The following GPBP1L1 variants were observed in gnomAD, a reference collection of about 807,000 sequenced individuals.
GPBP1L1 encodes vasculin-like protein 1.
In GPBP1L1, 23 loss-of-function variants were observed where a neutral mutation model predicts 52.5. The ratio of observed to expected loss-of-function variants is 0.44; its 90% CI spans 0.32 to 0.62. The LOEUF (loss-of-function observed/expected upper bound fraction) is 0.62. Ranked by LOEUF, GPBP1L1 falls within the 20% of genes least tolerant of loss-of-function variation. GPBP1L1 has a pLI of 0.06. For missense variants in GPBP1L1, 596 were observed against 579.3 expected, an observed-to-expected ratio of 1.03 and a Z score of -0.30; for synonymous variants, 243 against 203.1, an observed-to-expected ratio of 1.20 and a Z score of -1.67.
At chr1:45,629,783 G>T in intron 11 of GPBP1L1, 105 bp from the exon 12 acceptor site, 1 of 726,356 alleles carries the variant, frequency 1.4e-6, no homozygotes, top group Non-Finnish European at 2.4e-6. Context: ...GGCAATGGAT[G>T]TTAAAGAAGG....
chr1:45,656,748 C>T (rs1644889487), intron 4 of GPBP1L1, among the ~76,000 whole-genome samples: 1 of 151,892 alleles, frequency 6.6e-6, no homozygotes, highest in Non-Finnish European at 1.5e-5. Context: ...TCACTGTAGC[C>T]TCAAACTCCT....
chr1:45,642,556 T>C lies in GPBP1L1; in HGVS notation c.478-57A>G. On this transcript the variant is annotated intron_variant, in intron 6 of 12. Coordinates refer to ENST00000355105, the MANE Select transcript of GPBP1L1 (RefSeq NM_021639.5). ...AGAAAGCTGATCATTTTGGCACTTT[T>C]CACAAAGTAGCCATCACCATGGAAC... 19 of 1,327,600 alleles carry C rather than the reference T, an allele frequency of 1.4e-5. No homozygotes were observed. The South Asian group carries it at 2.1e-4, about 15-fold the overall frequency. The allele number at this position is 1,327,600 out of a possible 1,614,324, so 82.2% of individuals were successfully genotyped here.
intron 3 of GPBP1L1, among the ~76,000 whole-genome samples, chr1:45,659,779 AAAT>A (rs745735498): frequency 8.5e-5 from 13 of 152,072 alleles, no homozygotes; most frequent in Admixed American, 5.2e-4. Flanking sequence ...ATCTGTACAA[AAAT>A]AATAATAAAG....
chr1:45,629,142 A>G (rs1644495737), intron 12 of GPBP1L1, among the ~76,000 whole-genome samples: 1 of 152,228 alleles, frequency 6.6e-6, no homozygotes, highest in African/African-American at 2.4e-5. Context: ...ATTCAGAGAA[A>G]GAATCCAAGC....
Position 45,634,134 on chromosome 1 carries a change from C to A in GPBP1L1, c.847G>T (p.Val283Leu). ...CTCAGAGCTGCACCACTAGCCAGTACCACTGGTTTGGTAACAGAGATTGGA... is the reference window on the plus strand; with the variant it reads ...CTCAGAGCTGCACCACTAGCCAGTAACACTGGTTTGGTAACAGAGATTGGA... ...TSPISVTKPV[V>L]LASGAALSSP... Residue 283 changes from valine to leucine, a missense_variant, in exon 9 of 13, where the codon GTA (valine) becomes TTA (leucine). Transcript: ENST00000355105. 1.2e-6 allele frequency: 2 copies of A among 1,613,962 alleles called. No individual in the cohort carries two copies. Among genetic ancestry groups the A allele is most frequent in the African/African-American group, 2.7e-5 (2 of 75,044 alleles).
chr1:45,669,059 CA>C (rs1360210831), intron 2 of GPBP1L1, among the ~76,000 whole-genome samples: 15 of 152,204 alleles, frequency 9.9e-5, no homozygotes, highest in African/African-American at 3.6e-4. Flanking sequence ...TAATTTTGAG[CA>C]CATCTTCAAC....
intron 2 of GPBP1L1, among the ~76,000 whole-genome samples, chr1:45,678,275 A>T (rs1181499923): frequency 6.6e-6 from 1 of 152,236 alleles, no homozygotes; most frequent in African/African-American, 2.4e-5. Context: ...CACTTTAAAT[A>T]TGTGTATTTT....
chr1:45,685,804 G>GA (rs1022976349), intron 1 of GPBP1L1, among the ~76,000 whole-genome samples, 184 bp from the exon 2 acceptor site: 10 of 151,850 alleles, frequency 6.6e-5, no homozygotes, highest in Non-Finnish European at 1.0e-4. Flanking sequence ...TAAAACAACA[G>GA]AAAAAAAATA....
intron 8 of GPBP1L1, among the ~76,000 whole-genome samples, chr1:45,638,677 C>T (rs777025563): frequency 6.6e-6 from 1 of 152,144 alleles, no homozygotes; most frequent in Non-Finnish European, 1.5e-5. Flanking sequence ...CGGTGGCTCA[C>T]GTCTGTAATC....
intron 6 of GPBP1L1, chr1:45,650,948 T>C: frequency 9.6e-6 from 3 of 313,114 alleles, no homozygotes; most frequent in South Asian, 8.2e-5. Context: ...TTACATATTA[T>C]TCATCAAGTC....
At chr1:45,673,290 A>G (rs150902495) in intron 2 of GPBP1L1, among the ~76,000 whole-genome samples, 1 of 152,330 alleles carries the variant, frequency 6.6e-6, no homozygotes, top group Non-Finnish European at 1.5e-5. Flanking sequence ...CCTTCAGCTA[A>G]AAGTATGGGT....
chr1:45,681,382 G>A (rs1460805782), intron 2 of GPBP1L1, among the ~76,000 whole-genome samples: 1 of 152,096 alleles, frequency 6.6e-6, no homozygotes. Context: ...GAAACTGCAG[G>A]ACAAATGACC....
intron 10 of GPBP1L1, among the ~76,000 whole-genome samples, chr1:45,631,857 C>T (rs1195764588): frequency 1.3e-5 from 2 of 152,040 alleles, no homozygotes; most frequent in Non-Finnish European, 2.9e-5. Flanking sequence ...GAGGTCGAGG[C>T]TGCAGTGAAC....
intron 2 of GPBP1L1, among the ~76,000 whole-genome samples, chr1:45,674,311 C>A (rs752055675): frequency 4.6e-5 from 7 of 152,104 alleles, no homozygotes; most frequent in Non-Finnish European, 7.4e-5. Context: ...TTTAATATCA[C>A]AATTTCATTA....
chr1:45,642,578 G>T, intron 6 of GPBP1L1, 79 bp from the exon 7 acceptor site: 1 of 966,164 alleles, frequency 1.0e-6, no homozygotes, highest in Non-Finnish European at 1.7e-6. Context: ...CATCACCATG[G>T]AACCTATCAA....
In GPBP1L1 at chr1:45,644,876, A is replaced by G. The variant is rs569166015; in HGVS notation, c.478-2377T>C. Among the ~76,000 whole-genome samples the G allele has an allele frequency of 8.4e-4, 128 of 152,368 alleles. 2 individuals are homozygous for G. Among genetic ancestry groups the G allele is most frequent in the Middle Eastern group, 6.8e-3 (2 of 294 alleles). On this transcript the variant is annotated intron_variant, in intron 6 of 12. Coordinates refer to ENST00000355105, the MANE Select transcript of GPBP1L1 (RefSeq NM_021639.5). Reference sequence around the variant, plus strand: ...TCTTTATAAAGTAGTATACTTCCATAAATAGGAACTTCCCCTATTTGGCAA... The same window carrying G: ...TCTTTATAAAGTAGTATACTTCCATGAATAGGAACTTCCCCTATTTGGCAA...
intron 6 of GPBP1L1, among the ~76,000 whole-genome samples, chr1:45,644,104 A>G (rs1644709612): frequency 6.6e-6 from 1 of 152,208 alleles, no homozygotes. Flanking sequence ...CAAGCAATCA[A>G]GGTGAGAACC....
intron 6 of GPBP1L1, among the ~76,000 whole-genome samples, chr1:45,648,476 T>C (rs1393731471): frequency 6.6e-6 from 1 of 152,228 alleles, no homozygotes; most frequent in Non-Finnish European, 1.5e-5. Context: ...TCTTCTCAAA[T>C]ATGCCCTACG....
At chr1:45,657,958 G>T (rs1363342972) in intron 4 of GPBP1L1, among the ~76,000 whole-genome samples, 3 of 152,160 alleles carry the variant, frequency 2.0e-5, no homozygotes, top group Admixed American at 6.5e-5. Context: ...TTTAAAATAG[G>T]AAAGGTAGGC....
Sources: allele counts gnomAD v4.1 joint callset (sites outside exome capture counted in the v4.1 genomes callset), GRCh38; gene constraint gnomAD v4.1.1; transcripts MANE v1.5; gene names NCBI Gene and HGNC (gene_info 2026-07-23, HGNC 2026-07-21).